The following RGS6 variants were observed in gnomAD, a reference collection of about 807,000 sequenced individuals.
The protein encoded by RGS6 is regulator of G protein signaling 6, also known as regulator of G-protein signaling 6.
A neutral mutation model predicts 78.5 loss-of-function variants in RGS6; 30 were observed. The observed-to-expected ratio is 0.38, with a 90% CI of 0.29 to 0.52. The LOEUF (loss-of-function observed/expected upper bound fraction) is 0.52. Ranked by LOEUF, RGS6 falls within the 20% of genes least tolerant of loss-of-function variation. The pLI, the probability that RGS6 is intolerant of heterozygous loss-of-function variation, is 0.85. For synonymous variants in RGS6, 206 were observed against 206.0 expected (o/e 1.00, Z 0.00); for missense variants, 495 against 609.7 (o/e 0.81, Z 1.98).
chr14:72,495,029 G>A (rs535885940), intron 12 of RGS6, 123 bp from the exon 13 acceptor site: 28 of 642,898 alleles, frequency 4.4e-5, no homozygotes, highest in Admixed American at 7.3e-5. Context: ...AAGTGGGAGC[G>A]GAAATAAATT....
intron 2 of RGS6, among the ~76,000 whole-genome samples, chr14:72,198,697 G>A (rs1218826568): frequency 1.3e-5 from 2 of 152,338 alleles, no homozygotes; most frequent in South Asian, 2.1e-4. Context: ...GAGAAGATAC[G>A]TGGACTTCCT....
chr14:72,574,032 C>A, the RGS6 span, among the ~76,000 whole-genome samples: 149 of 152,310 alleles, frequency 9.8e-4, no homozygotes, highest in African/African-American at 3.4e-3. Context: ...CTTCCTCTCG[C>A]TCTACTGCGG....
chr14:72,100,025 G>A (rs1387968201), intron 2 of RGS6, among the ~76,000 whole-genome samples: 1 of 152,144 alleles, frequency 6.6e-6, no homozygotes, highest in African/African-American at 2.4e-5. Flanking sequence ...CACCAGCACA[G>A]TAGTAAGAGT....
At chr14:72,268,510 C>G (rs1189728888) in intron 2 of RGS6, among the ~76,000 whole-genome samples, 1 of 152,218 alleles carries the variant, frequency 6.6e-6, no homozygotes, top group Non-Finnish European at 1.5e-5. Flanking sequence ...CTCACTTCCT[C>G]CCTCTCTCCT....
chr14:71,996,127 G>A (rs2095193074), intron 2 of RGS6, among the ~76,000 whole-genome samples: 1 of 151,240 alleles, frequency 6.6e-6, no homozygotes, highest in Non-Finnish European at 1.5e-5. Context: ...TGAAATCCAG[G>A]CAGCAAGTCG....
chr14:72,450,890 C>A (rs1395052065), intron 3 of RGS6, among the ~76,000 whole-genome samples: 1 of 152,186 alleles, frequency 6.6e-6, no homozygotes, highest in Non-Finnish European at 1.5e-5. Flanking sequence ...ACAGCGTAAT[C>A]ACTGTAAATG....
At chr14:72,550,665 G>A (rs1411250340) in intron 17 of RGS6, 2 of 1,481,426 alleles carry the variant, frequency 1.4e-6, no homozygotes, top group African/African-American at 2.8e-5. Flanking sequence ...AATTAAAGGA[G>A]TCAATCAATC....
At chr14:72,001,471 A>AACACACACACAC (rs3053057) in intron 2 of RGS6, among the ~76,000 whole-genome samples, 4 of 146,030 alleles carry the variant, frequency 2.7e-5, no homozygotes, top group African/African-American at 1.0e-4. Flanking sequence ...ATAAAAACAG[A>AACACACACACAC]ACACACACAC....
At chr14:72,015,542 A>G (rs1019037424) in intron 2 of RGS6, among the ~76,000 whole-genome samples, 3 of 152,238 alleles carry the variant, frequency 2.0e-5, no homozygotes, top group Non-Finnish European at 2.9e-5. Flanking sequence ...TGTTATTACA[A>G]ATAGTGATAC....
chr14:72,107,795 G>C (rs1349368479), intron 2 of RGS6, among the ~76,000 whole-genome samples: 1 of 152,040 alleles, frequency 6.6e-6, no homozygotes. Context: ...CAAGGACATA[G>C]AGTATGCTAG....
intron 8 of RGS6, among the ~76,000 whole-genome samples, chr14:72,471,068 G>C (rs950409697): frequency 2.6e-5 from 4 of 152,114 alleles, no homozygotes; most frequent in Non-Finnish European, 4.4e-5. Flanking sequence ...CAGCTATCCT[G>C]AGCACAGGCT....
At chr14:72,311,513 A>G (rs2068610494) in intron 2 of RGS6, among the ~76,000 whole-genome samples, 1 of 152,170 alleles carries the variant, frequency 6.6e-6, no homozygotes, top group Non-Finnish European at 1.5e-5. Flanking sequence ...TAGGGAAGAA[A>G]ACATTATTGT....
chr14:72,286,643 C>G (rs2062611019), intron 2 of RGS6, among the ~76,000 whole-genome samples: 1 of 152,108 alleles, frequency 6.6e-6, no homozygotes, highest in Non-Finnish European at 1.5e-5. Flanking sequence ...TCCACAAACA[C>G]AGGGTATCTT....
chr14:72,027,805 G>T (rs748348474), intron 2 of RGS6, among the ~76,000 whole-genome samples: 4 of 152,102 alleles, frequency 2.6e-5, no homozygotes, highest in Non-Finnish European at 5.9e-5. Context: ...GATTTATCCG[G>T]ATCACCTTTC....
chr14:72,264,667 C>T (rs2058735938), intron 2 of RGS6, among the ~76,000 whole-genome samples: 1 of 152,172 alleles, frequency 6.6e-6, no homozygotes, highest in African/African-American at 2.4e-5. Flanking sequence ...ACCAGGAGTA[C>T]ATGCAGTTTA....
At chr14:72,301,079 T>G (rs2152404905) in intron 2 of RGS6, among the ~76,000 whole-genome samples, 1 of 152,310 alleles carries the variant, frequency 6.6e-6, no homozygotes, top group South Asian at 2.1e-4. Flanking sequence ...AAAGCAGCAG[T>G]GATAGCTTGG....
chr14:72,548,973 T>G (rs545496507), intron 17 of RGS6, among the ~76,000 whole-genome samples: 78 of 152,352 alleles, frequency 5.1e-4, no homozygotes, highest in Non-Finnish European at 9.4e-4. Flanking sequence ...TCCCATGATC[T>G]TTTGCAACTG....
chr14:72,584,362 G>C, the RGS6 span, among the ~76,000 whole-genome samples: 11 of 152,182 alleles, frequency 7.2e-5, no homozygotes, highest in Non-Finnish European at 1.6e-4. Flanking sequence ...GGAAGACAGA[G>C]AGATAAACAC....
At chr14:72,123,376 T>C (rs997392050) in intron 2 of RGS6, among the ~76,000 whole-genome samples, 1 of 152,224 alleles carries the variant, frequency 6.6e-6, no homozygotes, top group Admixed American at 6.5e-5. Context: ...TTTGATGAAG[T>C]TGGTAGAAAT....
Sources: allele counts gnomAD v4.1 joint callset (sites outside exome capture counted in the v4.1 genomes callset), GRCh38; gene constraint gnomAD v4.1.1; transcripts MANE v1.5; gene names NCBI Gene and HGNC (gene_info 2026-07-23, HGNC 2026-07-21).